MYH13: variants seen among roughly 807,000 people sequenced by gnomAD.
MYH13 encodes myosin-13.
Under a neutral mutation model 232.1 loss-of-function variants are expected in MYH13, and 177 were observed. The ratio of observed to expected loss-of-function variants is 0.76; its 90% confidence interval spans 0.67 to 0.86. The LOEUF is 0.86. MYH13 is among the 40% of genes least tolerant of loss of function. The pLI is 0.00. For synonymous variants in MYH13, 884 were observed against 923.5 expected (o/e 0.96, Z 0.78); for missense variants, 2,246 against 2,405.9 (o/e 0.93, Z 1.39).
chr17:10,329,990 ACT>A (rs1457900410), intron 21 of MYH13, among the ~76,000 whole-genome samples: 74 of 148,254 alleles, frequency 5.0e-4, no homozygotes, highest in African/African-American at 1.7e-3. Context: ...ACAGAGCAAG[ACT>A]CTGTCTAAAA....
At chr17:10,365,261 A>C (rs921753687) in intron 2 of MYH13, among the ~76,000 whole-genome samples, 2 of 152,224 alleles carry the variant, frequency 1.3e-5, no homozygotes, top group Non-Finnish European at 2.9e-5. Flanking sequence ...GAAAATCGTC[A>C]CTGGAATGCT....
chr17:10,327,146 C>T (rs139080314), intron 22 of MYH13, among the ~76,000 whole-genome samples: 3 of 106,874 alleles, frequency 2.8e-5, no homozygotes, highest in African/African-American at 1.0e-4. Flanking sequence ...GGACTACAGG[C>T]GCCCGCCACT....
intron 23 of MYH13, among the ~76,000 whole-genome samples, chr17:10,322,273 C>T (rs1291985220): frequency 1.3e-5 from 2 of 152,060 alleles, no homozygotes; most frequent in East Asian, 1.9e-4. Flanking sequence ...TGGTGGGCAC[C>T]TGTAGTCCCA....
chr17:10,329,063 A>G (rs1259927829), intron 21 of MYH13, among the ~76,000 whole-genome samples: 2 of 152,112 alleles, frequency 1.3e-5, no homozygotes, highest in Non-Finnish European at 2.9e-5. Context: ...TTATATTTAC[A>G]TAGCTTATGG....
In MYH13 at chr17:10,309,487, C is replaced by G. The variant is rs767310470; in HGVS notation, c.4965+35G>C. On this transcript the variant is annotated intron_variant, in intron 34 of 40. Transcript: ENST00000252172. ...CCAGAGCCGCCTGGCAGGCTGGGGC[C>G]CGTCCAGGTACGCAGAGGCGGCCAC... The G allele has an allele frequency of 7.5e-6, 12 of 1,601,682 alleles. No homozygotes were observed. The African/African-American group carries it at 1.5e-4, about 20-fold the overall frequency.
At chr17:10,330,319 A>G in intron 21 of MYH13, 68 bp downstream of exon 21, 1 of 1,585,086 alleles carries the variant, frequency 6.3e-7, no homozygotes. Context: ...CAAGACTAAA[A>G]GCAGGAAGTG....
chr17:10,303,829 T>C (rs1906187438), intron 37 of MYH13, among the ~76,000 whole-genome samples: 1 of 152,200 alleles, frequency 6.6e-6, no homozygotes, highest in Non-Finnish European at 1.5e-5. Context: ...CATATATGTT[T>C]ACTGAGGCAC....
intron 33 of MYH13, 62 bp downstream of exon 33, chr17:10,311,041 G>A: frequency 6.2e-7 from 1 of 1,600,272 alleles, no homozygotes; most frequent in South Asian, 1.1e-5. Context: ...GGGTGGTGAA[G>A]GGCAGCCTCT....
At chr17:10,326,821 CT>C (rs200587383) in intron 22 of MYH13, among the ~76,000 whole-genome samples, 175 of 134,868 alleles carry the variant, frequency 1.3e-3, no homozygotes, top group East Asian at 9.6e-3. Flanking sequence ...CTTTAAAGCA[CT>C]TTTTTTTTTT....
At chr17:10,348,252 C>G (rs1439230254) in intron 12 of MYH13, among the ~76,000 whole-genome samples, 2 of 152,214 alleles carry the variant, frequency 1.3e-5, no homozygotes, top group Non-Finnish European at 2.9e-5. Context: ...CCCTGACATT[C>G]CTTTGTTCAG....
intron 21 of MYH13, among the ~76,000 whole-genome samples, chr17:10,329,822 C>A (rs1422694387): frequency 6.6e-6 from 1 of 151,976 alleles, no homozygotes; most frequent in Non-Finnish European, 1.5e-5. Context: ...ATCTCTAAAA[C>A]AAAACAAAAC....
chr17:10,308,180 T>G (rs1906356077), intron 35 of MYH13, among the ~76,000 whole-genome samples: 1 of 151,808 alleles, frequency 6.6e-6, no homozygotes, highest in Non-Finnish European at 1.5e-5. Flanking sequence ...AAAAATTAGC[T>G]GGGTGTGGTG....
Position 10,340,336 on chromosome 17 carries a change from C to A in MYH13, c.1960G>T (p.Val654Leu), listed in dbSNP as rs201179810. 7 of 1,613,792 alleles carry A rather than the reference C, an allele frequency of 4.3e-6. No individual in the cohort carries two copies. The highest frequency in any genetic ancestry group is 4.5e-5 in the East Asian group (2 of 44,898). ...GCTGCCAAAACACCAACCCTGAACA[C>A]GGCCGACACGGTCTGGAAAGAGGAG... The part of the protein sequence containing the change: ...KGSSFQTVSA[V>L]FRENLNKLMT... Residue 654 changes from valine to leucine, a missense_variant, in exon 17 of 41, where the codon GTG becomes TTG. Transcript: ENST00000252172.
chr17:10,324,877 G>C (rs1475910009), intron 22 of MYH13: 2 of 149,748 alleles, frequency 1.3e-5, no homozygotes. Flanking sequence ...AAGCTAAAGT[G>C]CAGTGGTGTG....
In MYH13 at chr17:10,362,309, G is replaced by C. The variant is rs375983767; in HGVS notation, c.349-35C>G. The C allele has an allele frequency of 2.5e-6, 4 of 1,613,806 alleles. No homozygotes were observed. In the African/African-American group the frequency reaches 5.3e-5, roughly 22 times the overall value. The stretch of plus-strand genomic sequence containing the variant: ...TCAGAACATTTATCATTTGGATCTC[G>C]TTTTTACTCAGAGAGAGACATGAAA... On this transcript the variant is annotated intron_variant, in intron 4 of 40. Transcript: ENST00000252172.
At chr17:10,350,492 C>T (rs2071700068) in intron 12 of MYH13, 64 bp downstream of exon 12, 6 of 1,559,582 alleles carry the variant, frequency 3.8e-6, no homozygotes, top group Non-Finnish European at 5.2e-6. Flanking sequence ...GTTTATCTCA[C>T]ACGGCCTCGC....
intron 2 of MYH13, among the ~76,000 whole-genome samples, chr17:10,369,728 A>G (rs560736402): frequency 6.6e-6 from 1 of 152,330 alleles, no homozygotes; most frequent in African/African-American, 2.4e-5. Flanking sequence ...ACCGTGACTC[A>G]GAACCCAGTA....
chr17:10,367,647 C>A (rs931576570), intron 2 of MYH13, among the ~76,000 whole-genome samples: 1 of 152,118 alleles, frequency 6.6e-6, no homozygotes. Flanking sequence ...CCGTGCCTGG[C>A]CAACATAAAT....
At chr17:10,369,553 C>A (rs1398265071) in intron 2 of MYH13, among the ~76,000 whole-genome samples, 1 of 152,122 alleles carries the variant, frequency 6.6e-6, no homozygotes, top group Non-Finnish European at 1.5e-5. Flanking sequence ...ATGGCTATTG[C>A]AAAACTTGTG....
Sources: gnomAD v4.1 joint callset for allele counts (sites outside exome capture counted in the v4.1 genomes callset) on GRCh38, gnomAD v4.1.1 for gene constraint, MANE v1.5 for transcripts, NCBI Gene and HGNC (gene_info 2026-07-23, HGNC 2026-07-21) for gene names.